The following LHPP variants were observed in gnomAD, a reference collection of about 807,000 sequenced individuals.
LHPP encodes phospholysine phosphohistidine inorganic pyrophosphate phosphatase.
In LHPP, 24 loss-of-function variants were observed where a neutral mutation model predicts 30.3. That is an observed-to-expected ratio of 0.79 (90% CI 0.57 to 1.11). The LOEUF (loss-of-function observed/expected upper bound fraction) is 1.11, where lower values mean the gene tolerates loss of function less well. Among genes scored for constraint, LHPP ranks in the 50% most tolerant of loss-of-function variants. LHPP has a pLI of 0.00. For missense variants in LHPP, 356 were observed against 367.2 expected (o/e 0.97, Z 0.25); for synonymous variants, 150 against 157.1 (o/e 0.95, Z 0.34).
At chr10:124,602,147 A>G (rs1263878250) in intron 6 of LHPP, among the ~76,000 whole-genome samples, 1 of 152,114 alleles carries the variant, frequency 6.6e-6, no homozygotes, top group Admixed American at 6.5e-5. Context: ...CCCAGGGAGG[A>G]TCTGCTGACG....
chr10:124,570,971 G>T (rs1948576876), intron 6 of LHPP, among the ~76,000 whole-genome samples: 1 of 152,150 alleles, frequency 6.6e-6, no homozygotes, highest in Non-Finnish European at 1.5e-5. Context: ...GAATCACGGG[G>T]GCAGGTCTTT....
intron 6 of LHPP, among the ~76,000 whole-genome samples, chr10:124,556,401 C>T (rs35936514): frequency 0.11 from 16,917 of 152,248 alleles, 1,290 homozygotes; most frequent in East Asian, 0.27. Flanking sequence ...CGTGTGGACG[C>T]ATCCTAAACA....
chr10:124,470,750 C>T (rs1409224998), intron 1 of LHPP, among the ~76,000 whole-genome samples: 5 of 152,122 alleles, frequency 3.3e-5, no homozygotes, highest in South Asian at 2.1e-4. Flanking sequence ...AACCCCCACA[C>T]GCGGTGTGGC....
chr10:124,549,882 G>A (rs1955437086), intron 6 of LHPP, among the ~76,000 whole-genome samples: 1 of 152,276 alleles, frequency 6.6e-6, no homozygotes, highest in Non-Finnish European at 1.5e-5. Flanking sequence ...GTAAATGGGG[G>A]TGGCAATGCC....
chr10:124,540,629 C>T (rs1955158409), intron 6 of LHPP, among the ~76,000 whole-genome samples: 1 of 152,238 alleles, frequency 6.6e-6, no homozygotes, highest in Non-Finnish European at 1.5e-5. Context: ...TCGCACACCC[C>T]TGCACTTTGG....
At chr10:124,567,395 G>A (rs937089039) in intron 6 of LHPP, among the ~76,000 whole-genome samples, 15 of 152,208 alleles carry the variant, frequency 9.9e-5, no homozygotes, top group Non-Finnish European at 1.0e-4. Flanking sequence ...TGCCCTCCAC[G>A]CGCCCCTGGC....
chr10:124,544,072 G>A (rs1261142608), intron 6 of LHPP, among the ~76,000 whole-genome samples: 1 of 152,238 alleles, frequency 6.6e-6, no homozygotes, highest in African/African-American at 2.4e-5. Context: ...GCCAAGCCTG[G>A]TGACAGCAGT....
chr10:124,605,441 A>G (rs10794166), intron 6 of LHPP: 137,272 of 152,390 alleles, frequency 0.9, 62,103 homozygotes, highest in East Asian at 1. Context: ...GGGTGGTTGG[A>G]GGGCACATTC....
intron 6 of LHPP, among the ~76,000 whole-genome samples, chr10:124,551,365 A>G (rs7067989): frequency 0.74 from 112,657 of 152,076 alleles, 42,218 homozygotes; most frequent in African/African-American, 0.85. Context: ...TGACACCATC[A>G]GCAAGTTTGG....
chr10:124,560,036 G>T (rs1380234111), intron 6 of LHPP, among the ~76,000 whole-genome samples: 1 of 152,236 alleles, frequency 6.6e-6, no homozygotes, highest in Non-Finnish European at 1.5e-5. Flanking sequence ...GATCTGGTTT[G>T]TAGCCTGTAC....
At chr10:124,544,925 A>G (rs1161755703) in intron 6 of LHPP, among the ~76,000 whole-genome samples, 5 of 152,192 alleles carry the variant, frequency 3.3e-5, no homozygotes, top group Admixed American at 6.5e-5. Flanking sequence ...AGGGCTGTGC[A>G]TGGGCGGCCT....
At chr10:124,542,841 G>T (rs1955232857) in intron 6 of LHPP, among the ~76,000 whole-genome samples, 1 of 152,160 alleles carries the variant, frequency 6.6e-6, no homozygotes, top group South Asian at 2.1e-4. Flanking sequence ...GCGCCTGCCT[G>T]CCTTTCATCA....
rs1457649730 is a variant in LHPP at position 124,503,751 on chromosome 10, A to G, written c.624+5623A>G. Among the ~76,000 whole-genome samples the G allele has an allele frequency of 3.3e-5, 5 of 150,556 alleles. 1 individual carries two copies. The highest frequency in any genetic ancestry group is 2.0e-4 in the Admixed American group (3 of 15,216). ...AAGCTATAAATATTTTATAAATATTATAGCTTTTTTTATTTAAAAAATAAG... is the reference window on the plus strand; with the variant it reads ...AAGCTATAAATATTTTATAAATATTGTAGCTTTTTTTATTTAAAAAATAAG... On this transcript the variant is annotated intron_variant, in intron 5 of 6. Transcript: ENST00000368842.
intron 5 of LHPP, among the ~76,000 whole-genome samples, chr10:124,506,277 C>T: frequency 7.4e-6 from 1 of 135,662 alleles, no homozygotes; most frequent in African/African-American, 2.7e-5. Context: ...CCCCCCCACC[C>T]CGCGGTTTCT....
intron 6 of LHPP, among the ~76,000 whole-genome samples, chr10:124,610,443 CGGGTGA>C (rs759692287): frequency 0.31 from 13,160 of 42,896 alleles, 4,788 homozygotes; most frequent in Middle Eastern, 0.46. Context: ...GCTGATGCAG[CGGGTGA>C]GGGTGAGGGT....
intron 6 of LHPP, among the ~76,000 whole-genome samples, chr10:124,560,026 G>A (rs372767862): frequency 3.9e-5 from 6 of 152,222 alleles, no homozygotes; most frequent in African/African-American, 7.2e-5. Flanking sequence ...CAGGCCCTGC[G>A]ATCTGGTTTG....
intron 6 of LHPP, among the ~76,000 whole-genome samples, chr10:124,573,693 GCCGTGCCTGATCC>G (rs374844858): frequency 3.3e-5 from 5 of 152,300 alleles, no homozygotes; most frequent in African/African-American, 1.2e-4. Flanking sequence ...AAGTGGGATT[GCCGTGCCTGATCC>G]TTGCTGCCAC....
At chr10:124,468,776 C>T (rs1952636954) in intron 1 of LHPP, among the ~76,000 whole-genome samples, 1 of 152,224 alleles carries the variant, frequency 6.6e-6, no homozygotes, top group Admixed American at 6.5e-5. Flanking sequence ...CAAGGCCCCT[C>T]CACTCTGGCC....
At chr10:124,543,333 G>A (rs1166461915) in intron 6 of LHPP, among the ~76,000 whole-genome samples, 1 of 152,244 alleles carries the variant, frequency 6.6e-6, no homozygotes, top group Non-Finnish European at 1.5e-5. Flanking sequence ...AGACACCCCC[G>A]GTCGGCCCAG....
Sources: gnomAD v4.1 joint callset for allele counts (sites outside exome capture counted in the v4.1 genomes callset) on GRCh38, gnomAD v4.1.1 for gene constraint, MANE v1.5 for transcripts, NCBI Gene and HGNC (gene_info 2026-07-23, HGNC 2026-07-21) for gene names.